The following PCSK2 variants were observed in gnomAD, a reference collection of about 807,000 sequenced individuals.
The protein encoded by PCSK2 is neuroendocrine convertase 2.
A neutral mutation model predicts 69.7 loss-of-function variants in PCSK2; 14 were observed. The ratio of observed to expected loss-of-function variants is 0.20; its 90% CI spans 0.13 to 0.31. The LOEUF (loss-of-function observed/expected upper bound fraction) is 0.31. Among genes scored for constraint, PCSK2 ranks in the 10% least tolerant of loss-of-function variants. The pLI is 1.00. For missense variants in PCSK2, 544 were observed against 842.5 expected (o/e 0.65, Z 4.39); for synonymous variants, 307 against 320.7 (o/e 0.96, Z 0.46).
At chr20:17,233,405 G>C (rs34885226) in intron 1 of PCSK2, among the ~76,000 whole-genome samples, 6 of 152,082 alleles carry the variant, frequency 3.9e-5, no homozygotes, top group Non-Finnish European at 5.9e-5. Flanking sequence ...AAGTAGCTGT[G>C]GGTTATACTT....
chr20:17,479,599 A>T (rs1042208093), intron 11 of PCSK2, among the ~76,000 whole-genome samples: 8 of 152,148 alleles, frequency 5.3e-5, no homozygotes, highest in Non-Finnish European at 1.0e-4. Flanking sequence ...GGAGATCGAG[A>T]CCATCATGGC....
intron 11 of PCSK2, 75 bp from the exon 12 acceptor site, chr20:17,481,509 T>G: frequency 7.0e-7 from 1 of 1,437,346 alleles, no homozygotes. Flanking sequence ...TTCCGCCACC[T>G]GAAGCTGCCC....
intron 2 of PCSK2, among the ~76,000 whole-genome samples, chr20:17,269,439 C>T (rs189859631): frequency 1.1e-3 from 165 of 152,244 alleles, no homozygotes; most frequent in African/African-American, 3.7e-3. Context: ...TGTTCTAGCT[C>T]GTCTACATTT....
intron 1 of PCSK2, among the ~76,000 whole-genome samples, chr20:17,231,857 C>T (rs1986153908): frequency 1.3e-5 from 2 of 152,106 alleles, no homozygotes; most frequent in African/African-American, 4.8e-5. Context: ...GGTTTTAGAC[C>T]TGAAGTCTTT....
upstream of PCSK2, among the ~76,000 whole-genome samples, chr20:17,226,800 C>A (rs1442308899): frequency 2.2e-5 from 3 of 139,404 alleles, no homozygotes; most frequent in Admixed American, 2.1e-4. Context: ...CGCGGGCTCG[C>A]TGCGCTGCGC....
At chr20:17,346,773 T>A (rs920142796) in intron 2 of PCSK2, among the ~76,000 whole-genome samples, 2 of 152,116 alleles carry the variant, frequency 1.3e-5, no homozygotes, top group Non-Finnish European at 2.9e-5. Flanking sequence ...TTCCTTAATA[T>A]AATTTCCTAA....
intron 4 of PCSK2, among the ~76,000 whole-genome samples, chr20:17,363,851 T>C (rs2123220268): frequency 6.6e-6 from 1 of 152,366 alleles, no homozygotes; most frequent in South Asian, 2.1e-4. Context: ...GTTGGTATTA[T>C]TATAATCGCC....
At position 17,429,475 on chromosome 20, in the gene PCSK2, A is replaced by G. The variant is rs201915698; in HGVS notation, c.661A>G (p.Asn221Asp). The part of the protein sequence containing the change: ...RCAGEVSAAA[N>D]NNICGVGVAY... ...TGCAGGAGAAGTTTCTGCTGCCGCC[A>G]ACAACAATATCTGTGGAGTTGGAGT... is the stretch of plus-strand genomic sequence containing the variant. Residue 221 changes from asparagine to aspartate, a missense_variant, in exon 7 of 12, where the codon AAC becomes GAC. Physicochemically the swap from Asn to Asp is conservative, Grantham distance 23 (BLOSUM62 1). Around this residue, in one of 3 missense-constraint regions of PCSK2, gnomAD observed 187 missense variants for 399.8 expected, o/e 0.47. Coordinates refer to ENST00000262545, the MANE Select transcript of PCSK2 (RefSeq NM_002594.5). 87 of 1,613,988 alleles carry G rather than the reference A, an allele frequency of 5.4e-5. No individual in the cohort carries two copies. Among genetic ancestry groups the G allele is most frequent in the Admixed American group, 1.7e-4 (10 of 59,996 alleles).
At chr20:17,340,096 C>A (rs1198153797) in intron 2 of PCSK2, among the ~76,000 whole-genome samples, 3 of 152,146 alleles carry the variant, frequency 2.0e-5, no homozygotes, top group Non-Finnish European at 4.4e-5. Context: ...ACAAATGGGA[C>A]AAGAAAACCC....
Position 17,436,929 on chromosome 20 carries a change from C to G in PCSK2, c.885+46C>G, listed in dbSNP as rs917091977. 7 of 1,507,622 alleles carry G rather than the reference C, an allele frequency of 4.6e-6. 1 individual carries two copies. 93.4% of individuals were successfully genotyped at this position (1,507,622 alleles called of 1,614,324 possible). On this transcript the variant is annotated intron_variant, in intron 8 of 11. Coordinates refer to ENST00000262545, the MANE Select transcript of PCSK2 (RefSeq NM_002594.5). ...GGCCCCGGCCACTCACAAGTTGGGA[C>G]AAAGTGGGTGGAGGGGTAGATGCAA...
intron 11 of PCSK2, 137 bp from the exon 12 acceptor site, chr20:17,481,447 A>G: frequency 1.7e-6 from 1 of 583,090 alleles, no homozygotes; most frequent in East Asian, 3.3e-5. Context: ...TCACACAGCC[A>G]GTGTGGGAAC....
At chr20:17,454,639 T>C (rs945945364) in intron 9 of PCSK2, among the ~76,000 whole-genome samples, 14 of 152,220 alleles carry the variant, frequency 9.2e-5, no homozygotes, top group African/African-American at 3.4e-4. Flanking sequence ...TAATAAGCTT[T>C]TTTGGATCTT....
chr20:17,448,796 C>A (rs2032747252), intron 8 of PCSK2, among the ~76,000 whole-genome samples: 1 of 151,912 alleles, frequency 6.6e-6, no homozygotes, highest in Non-Finnish European at 1.5e-5. Flanking sequence ...TTGGTAAAAA[C>A]TTTTGAGAAA....
At chr20:17,330,740 C>T (rs966284401) in intron 2 of PCSK2, among the ~76,000 whole-genome samples, 1 of 152,116 alleles carries the variant, frequency 6.6e-6, no homozygotes, top group Non-Finnish European at 1.5e-5. Context: ...AGGAAGTCTA[C>T]AGGTGGCCAG....
At chr20:17,308,644 T>G (rs996031060) in intron 2 of PCSK2, among the ~76,000 whole-genome samples, 1 of 152,208 alleles carries the variant, frequency 6.6e-6, no homozygotes, top group African/African-American at 2.4e-5. Flanking sequence ...TTTATTTAGC[T>G]AAGTATTCTT....
At chr20:17,320,054 T>G (rs1989816816) in intron 2 of PCSK2, among the ~76,000 whole-genome samples, 1 of 152,088 alleles carries the variant, frequency 6.6e-6, no homozygotes. Context: ...AGAGCTCAGG[T>G]GGGCAGGTAA....
At chr20:17,251,088 A>G (rs1163002026) in intron 1 of PCSK2, among the ~76,000 whole-genome samples, 1 of 152,184 alleles carries the variant, frequency 6.6e-6, no homozygotes, top group Non-Finnish European at 1.5e-5. Context: ...CAAAAAAGTG[A>G]GACTCCAAAA....
intron 5 of PCSK2, among the ~76,000 whole-genome samples, chr20:17,384,777 T>A (rs1214990450): frequency 6.6e-6 from 1 of 151,948 alleles, no homozygotes; most frequent in Non-Finnish European, 1.5e-5. Context: ...TACAAAAAAA[T>A]TAAAAATTTG....
intron 5 of PCSK2, among the ~76,000 whole-genome samples, chr20:17,371,454 A>G (rs1351438820): frequency 6.6e-6 from 1 of 152,194 alleles, no homozygotes; most frequent in African/African-American, 2.4e-5. Context: ...GATCTGCAAT[A>G]CCAGAATACA....
Sources: allele counts gnomAD v4.1 joint callset (sites outside exome capture counted in the v4.1 genomes callset), GRCh38; gene constraint gnomAD v4.1.1; regional missense constraint gnomAD v4.1.1; transcripts MANE v1.5; gene names NCBI Gene and HGNC (gene_info 2026-07-23, HGNC 2026-07-21).